TMLHE: variants seen among roughly 807,000 people sequenced by gnomAD.
The protein encoded by TMLHE is trimethyllysine dioxygenase, mitochondrial.
TMLHE carries 18 observed loss-of-function variants against 25.7 expected under a neutral mutation model. The observed-to-expected ratio is 0.70, with a 90% CI of 0.48 to 1.04. The LOEUF (loss-of-function observed/expected upper bound fraction) is 1.04. TMLHE is among the 50% of genes least tolerant of loss of function. TMLHE has a pLI of 0.00. For missense variants in TMLHE, 236 were observed against 259.0 expected, an observed-to-expected ratio of 0.91 and a Z score of 0.61; for synonymous variants, 105 against 97.0, an observed-to-expected ratio of 1.08 and a Z score of -0.49.
At chrX:155,545,977 C>G (rs1557338668) in intron 1 of TMLHE, among the ~76,000 whole-genome samples, 1 of 110,090 alleles carries the variant, frequency 9.1e-6, no homozygotes, top group African/African-American at 3.3e-5. Flanking sequence ...TTTTTCATGT[C>G]TCATCCTTCT....
intron 1 of TMLHE, among the ~76,000 whole-genome samples, chrX:155,588,553 T>A (rs1199856202): frequency 1.8e-5 from 2 of 111,124 alleles, no homozygotes; most frequent in Non-Finnish European, 3.8e-5. Flanking sequence ...AGACAACCCA[T>A]TGAATGGGAG....
At chrX:155,585,448 CACACAT>C (rs1452833314) in intron 1 of TMLHE, among the ~76,000 whole-genome samples, 238 of 108,351 alleles carry the variant, frequency 2.2e-3, no homozygotes, top group African/African-American at 7.7e-3. Context: ...CACACACACA[CACACAT>C]ATATATATGC....
chrX:155,581,481 G>A (rs1277644977), intron 1 of TMLHE, among the ~76,000 whole-genome samples: 13 of 111,706 alleles, frequency 1.2e-4, no homozygotes, highest in Non-Finnish European at 5.6e-5. Flanking sequence ...AAAGTCTCAG[G>A]ATACAAAATC....
At position 155,507,075 on chromosome X, in the gene TMLHE, T is replaced by C; in HGVS notation, c.818A>G (p.Asp273Gly). 2 of 1,210,321 alleles carry C rather than the reference T, an allele frequency of 1.7e-6. No homozygotes were observed. Among genetic ancestry groups the C allele is most frequent in the Middle Eastern group, 2.3e-4 (1 of 4,339 alleles). The change falls in exon 6 of 8, where the codon GAT becomes GGT. Residue 273 changes from aspartate (D) to glycine (G), a missense_variant. By Grantham distance (94) the Asp-to-Gly change is moderately conservative. Coordinates refer to ENST00000334398, the MANE Select transcript of TMLHE (RefSeq NM_018196.4). The part of the protein sequence containing the change: ...EGTGGRTLLV[D>G]GFYAAEQVLQ... The stretch of plus-strand genomic sequence containing the variant: ...TACCTGTTCTGCTGCATAGAATCCA[T>C]CTACTAGCAGTGTCCTGCCACCAGT...
chrX:155,579,168 C>T (rs2067609684), intron 1 of TMLHE, among the ~76,000 whole-genome samples: 1 of 93,658 alleles, frequency 1.1e-5, no homozygotes, highest in Non-Finnish European at 2.2e-5. Flanking sequence ...GTTAAAATGA[C>T]CATACTGCTC....
At chrX:155,526,170 G>A (rs2067218358) in intron 2 of TMLHE, among the ~76,000 whole-genome samples, 1 of 112,964 alleles carries the variant, frequency 8.9e-6, no homozygotes, top group South Asian at 3.6e-4. Flanking sequence ...AGGCCCTGAG[G>A]CCAAGAGGGA....
At chrX:155,593,264 T>C (rs1557346171) in intron 1 of TMLHE, among the ~76,000 whole-genome samples, 2 of 111,606 alleles carry the variant, frequency 1.8e-5, no homozygotes, top group Non-Finnish European at 3.8e-5. Context: ...CTCTGCCTGA[T>C]TTCAGAGCTC....
In TMLHE at chrX:155,524,520, G is replaced by A. The variant is rs1569561934; in HGVS notation, c.294C>T (p.Ala98=). Residue 98 remains alanine, a synonymous_variant, in exon 3 of 8, where the codon GCC becomes GCT. Coordinates refer to ENST00000334398, the MANE Select transcript of TMLHE (RefSeq NM_018196.4). ...SKTHQRSLDT[A]SVDLCIKPKT... is the part of the protein sequence containing the mutation. ...TTGGCTTGATACATAAATCCACACT[G>A]GCAGTATCCAGGCTGCGCTGGTGAG... The A allele has an allele frequency of 1.7e-6, 2 of 1,209,077 alleles. No individual in the cohort carries two copies. The highest frequency in any genetic ancestry group is 2.2e-6 in the Non-Finnish European group (2 of 894,136).
At chrX:155,598,399 G>C (rs1240805555) in intron 1 of TMLHE, among the ~76,000 whole-genome samples, 1 of 109,981 alleles carries the variant, frequency 9.1e-6, no homozygotes, top group Non-Finnish European at 1.9e-5. Context: ...CATGTCCTTT[G>C]TAGGGACATG....
At chrX:155,532,916 T>G (rs2067257559) in intron 2 of TMLHE, among the ~76,000 whole-genome samples, 1 of 111,219 alleles carries the variant, frequency 9.0e-6, no homozygotes, top group African/African-American at 3.3e-5. Flanking sequence ...TTTTACACTT[T>G]TAAAGTGTAA....
chrX:155,587,184 A>G (rs2067670021), intron 1 of TMLHE, among the ~76,000 whole-genome samples: 1 of 112,281 alleles, frequency 8.9e-6, no homozygotes, highest in African/African-American at 3.2e-5. Flanking sequence ...AGTGAGATTT[A>G]TCCCAGGGAT....
At chrX:155,542,345 CTAAGA>C (rs1777478500) in intron 2 of TMLHE, among the ~76,000 whole-genome samples, 1 of 111,309 alleles carries the variant, frequency 9.0e-6, no homozygotes, top group African/African-American at 3.3e-5. Flanking sequence ...CAAAATGTTG[CTAAGA>C]TAAATCAAAG....
chrX:155,507,203 T>A, intron 5 of TMLHE, 69 bp from the exon 6 acceptor site: 1 of 682,560 alleles, frequency 1.5e-6, no homozygotes, highest in Non-Finnish European at 2.2e-6. Flanking sequence ...AGAAATTATA[T>A]ATAAAATGAT....
At chrX:155,572,931 G>A (rs2067564769) in intron 1 of TMLHE, among the ~76,000 whole-genome samples, 1 of 57,685 alleles carries the variant, frequency 1.7e-5, no homozygotes, top group African/African-American at 4.1e-5. Context: ...CATGGGCACG[G>A]ACTTCATGTC....
At chrX:155,510,660 T>C (rs782149452) in intron 5 of TMLHE, among the ~76,000 whole-genome samples, 3 of 109,633 alleles carry the variant, frequency 2.7e-5, no homozygotes, top group African/African-American at 6.6e-5. Context: ...TGTTGGACAT[T>C]TGGGTTGGTT....
At position 155,514,263 on chromosome X, in the gene TMLHE, G is replaced by A. The variant is rs1295838857; in HGVS notation, c.361C>T (p.Pro121Ser). 29 of 1,190,977 alleles carry A rather than the reference G, an allele frequency of 2.4e-5. No individual in the cohort carries two copies. The highest frequency in any genetic ancestry group is 3.1e-5 in the Non-Finnish European group (27 of 884,213). Residue 121 changes from proline to serine, a missense_variant and splice_region_variant, in exon 4 of 8, where the codon CCA (proline) becomes TCA (serine). By Grantham distance (74) the Pro-to-Ser change is moderately conservative. Transcript: ENST00000334398. ...TCATATTTAGTCACATGACCATCTG[G>A]CCCTTTTAAGGGGAAAAATAAAAGG... ...LDETTLFFTW[P>S]DGHVTKYDLN...
rs6642295 is a variant in TMLHE at position 155,560,203 on chromosome X, C to A, written c.-1-14926G>T. ...TCACATATACTGCCTTCTCTGCTTA[C>A]CATGCTCTCCCCTTCATTCTTCCTG... On this transcript the variant is annotated intron_variant, in intron 1 of 7. Transcript: ENST00000334398. Among the ~76,000 whole-genome samples the A allele has an allele frequency of 6.0e-3, 673 of 111,787 alleles. 2 individuals carry two copies. The highest frequency in any genetic ancestry group is 0.02 in the African/African-American group (632 of 30,900).
At chrX:155,608,955 T>A (rs1032693016) in intron 1 of TMLHE, among the ~76,000 whole-genome samples, 7 of 112,198 alleles carry the variant, frequency 6.2e-5, no homozygotes, top group Non-Finnish European at 1.1e-4. Flanking sequence ...TGTCAGTTAG[T>A]TCAGCCACTG....
intron 2 of TMLHE, among the ~76,000 whole-genome samples, chrX:155,539,816 C>A: frequency 9.1e-6 from 1 of 110,091 alleles, no homozygotes; most frequent in Non-Finnish European, 1.9e-5. Context: ...GACATATAAA[C>A]AAAATAAGAA....
Sources: gnomAD v4.1 joint callset for allele counts (sites outside exome capture counted in the v4.1 genomes callset) on GRCh38, gnomAD v4.1.1 for gene constraint, MANE v1.5 for transcripts, NCBI Gene and HGNC (gene_info 2026-07-23, HGNC 2026-07-21) for gene names.